Variants in PLS1 observed in about 807,000 individuals in gnomAD.
PLS1 encodes plastin-1.
A neutral mutation model predicts 73.7 loss-of-function variants in PLS1; 32 were observed. That is an observed-to-expected ratio of 0.43 (90% CI 0.33 to 0.58). The LOEUF (loss-of-function observed/expected upper bound fraction) is 0.58. Among genes scored for constraint, PLS1 ranks in the 20% least tolerant of loss-of-function variants. The probability of loss-of-function intolerance (pLI) is 0.04; values close to 1 mark genes in which losing one functional copy is unlikely to be tolerated. For synonymous variants in PLS1, 217 were observed against 261.3 expected (o/e 0.83, Z 1.63); for missense variants, 633 against 740.5 (o/e 0.85, Z 1.68).
chr3:142,633,837 T>C (rs1461609001), intron 1 of PLS1, among the ~76,000 whole-genome samples: 1 of 152,042 alleles, frequency 6.6e-6, no homozygotes, highest in Non-Finnish European at 1.5e-5. Flanking sequence ...AGCAGGAAAA[T>C]ATTACCCATA....
At chr3:142,630,445 C>T (rs1205340058) in intron 1 of PLS1, among the ~76,000 whole-genome samples, 2 of 127,714 alleles carry the variant, frequency 1.6e-5, no homozygotes, top group African/African-American at 5.9e-5. Context: ...AAAAAACAAA[C>T]AAAACACTCT....
Position 142,689,637 on chromosome 3 carries a change from G to C in PLS1, c.1001G>C (p.Arg334Pro). The C allele has an allele frequency of 6.2e-7, 1 of 1,604,850 alleles. No individual in the cohort carries two copies. Among genetic ancestry groups the C allele is most frequent in the Non-Finnish European group, 8.5e-7 (1 of 1,176,218 alleles). Residue 334 changes from arginine (R) to proline (P), a missense_variant, in exon 10 of 16, where the codon CGT (arginine) becomes CCT (proline). Arg to Pro is a moderately radical substitution (Grantham distance 103). Coordinates refer to ENST00000457734, the MANE Select transcript of PLS1 (RefSeq NM_001145319.2). ...GTTTAGGAGACAAATGACCTGAAGC[G>C]TGCTGGACTCATGCTTCAAGAAGCA... is the stretch of plus-strand genomic sequence containing the variant. Reference protein sequence around the residue: ...SGINETNDLKRAGLMLQEADK... With the variant: ...SGINETNDLKPAGLMLQEADK...
At chr3:142,705,530 C>T (rs1046300552) in intron 14 of PLS1, among the ~76,000 whole-genome samples, 1 of 152,200 alleles carries the variant, frequency 6.6e-6, no homozygotes, top group Non-Finnish European at 1.5e-5. Context: ...TACAAATAAG[C>T]ATGTCTGCTT....
chr3:142,689,572 T>C (rs911490499), intron 9 of PLS1, 46 bp from the exon 10 acceptor site: 1 of 1,150,008 alleles, frequency 8.7e-7, no homozygotes, highest in Admixed American at 2.7e-5. Context: ...ATAAAAATTA[T>C]GCCAATTAAA....
rs1008168230 is a variant in PLS1 at position 142,703,946 on chromosome 3, C to G, written c.1450C>G (p.Leu484Val). 8 of 1,613,716 alleles carry G rather than the reference C, an allele frequency of 5.0e-6. No homozygotes were observed. Among genetic ancestry groups the G allele is most frequent in the Non-Finnish European group, 5.9e-6 (7 of 1,179,704 alleles). ...CTTGGTTGGCATTGCTGGGCAGGACCTAAATGAAGGGAATTCAACACTTAC... is the reference window on the plus strand; with the variant it reads ...CTTGGTTGGCATTGCTGGGCAGGACGTAAATGAAGGGAATTCAACACTTAC... ...FSLVGIAGQDLNEGNSTLTLA... is the reference protein window; with the variant it reads ...FSLVGIAGQDVNEGNSTLTLA... The change falls in exon 13 of 16, where the codon CTA becomes GTA. Residue 484 changes from leucine (L) to valine (V), a missense_variant. By Grantham distance (32) the Leu-to-Val change is conservative. Transcript: ENST00000457734.
At chr3:142,612,405 T>C (rs2036140323) in intron 1 of PLS1, among the ~76,000 whole-genome samples, 2 of 152,358 alleles carry the variant, frequency 1.3e-5, no homozygotes, top group South Asian at 4.1e-4. Flanking sequence ...TTATATGTGA[T>C]AAGTGATGTG....
chr3:142,711,914 T>C lies in PLS1; in HGVS notation c.1797T>C (p.Tyr599=), dbSNP rs1209904877. Residue 599 remains tyrosine (Y), a synonymous_variant, in exon 16 of 16, where the codon TAT becomes TAC. Coordinates refer to ENST00000457734, the MANE Select transcript of PLS1 (RefSeq NM_001145319.2). Reference sequence around the variant, plus strand: ...CTCGAAAGATCGGTGCCCGGATATATGCATTACCTGATGACCTCGTAGAAG... The same window carrying C: ...CTCGAAAGATCGGTGCCCGGATATACGCATTACCTGATGACCTCGTAGAAG... ...SVARKIGARI[Y]ALPDDLVEVK... 16 of 1,613,582 alleles carry C rather than the reference T, an allele frequency of 9.9e-6. No individual in the cohort carries two copies. Among genetic ancestry groups the C allele is most frequent in the Non-Finnish European group, 1.4e-5 (16 of 1,179,504 alleles).
intron 1 of PLS1, among the ~76,000 whole-genome samples, chr3:142,602,672 A>G (rs1212907566): frequency 6.6e-6 from 1 of 151,540 alleles, no homozygotes; most frequent in Non-Finnish European, 1.5e-5. Flanking sequence ...TGATGAACCT[A>G]ATTACATAGA....
intron 9 of PLS1, among the ~76,000 whole-genome samples, chr3:142,688,883 A>T (rs1030937201): frequency 2.0e-5 from 3 of 152,100 alleles, no homozygotes; most frequent in African/African-American, 7.2e-5. Context: ...TTTAATTTTT[A>T]AAATATGTAT....
intron 1 of PLS1, among the ~76,000 whole-genome samples, chr3:142,611,892 T>A (rs2036128448): frequency 6.6e-6 from 1 of 152,204 alleles, no homozygotes; most frequent in Admixed American, 6.5e-5. Flanking sequence ...TATTATTATC[T>A]TCTTAACTTT....
intron 1 of PLS1, among the ~76,000 whole-genome samples, chr3:142,662,397 T>C (rs367563578): frequency 6.1e-4 from 93 of 152,034 alleles, no homozygotes; most frequent in African/African-American, 2.1e-3. Flanking sequence ...GAGGGGAACA[T>C]CACACACCAG....
At chr3:142,629,697 A>G (rs1395116434) in intron 1 of PLS1, among the ~76,000 whole-genome samples, 1 of 152,188 alleles carries the variant, frequency 6.6e-6, no homozygotes, top group African/African-American at 2.4e-5. Flanking sequence ...CCATGTAGTA[A>G]TGTACAGCTT....
At chr3:142,669,671 A>AATG (rs3836386) in intron 3 of PLS1, 118 bp downstream of exon 3, 11 of 526,446 alleles carry the variant, frequency 2.1e-5, no homozygotes, top group Non-Finnish European at 2.7e-5. Flanking sequence ...ACTGCTTTAA[A>AATG]ATGATGATGA....
At chr3:142,631,648 TGA>T (rs1198905329) in intron 1 of PLS1, among the ~76,000 whole-genome samples, 1 of 119,662 alleles carries the variant, frequency 8.4e-6, no homozygotes, top group Non-Finnish European at 1.6e-5. Flanking sequence ...ACAACAGAGT[TGA>T]GACCCTGTCT....
chr3:142,711,576 A>T lies in PLS1; in HGVS notation c.1705A>T (p.Met569Leu). 1 of 1,608,718 alleles carries T rather than the reference A, an allele frequency of 6.2e-7. No homozygotes were observed. Among genetic ancestry groups the T allele is most frequent in the Non-Finnish European group, 8.5e-7 (1 of 1,175,796 alleles). Reference protein sequence around the residue: ...AIAPNAVRQEMIRRENLSDED... With the variant: ...AIAPNAVRQELIRRENLSDED... ...TGCACCAAATGCAGTTCGTCAAGAA[A>T]TGATCAGGAGAGAAAACTTATCTGA... The change falls in exon 15 of 16, where the codon ATG becomes TTG. Residue 569 changes from methionine (M) to leucine (L), a missense_variant. By Grantham distance (15) the Met-to-Leu change is conservative (BLOSUM62 2). Transcript: ENST00000457734.
At chr3:142,661,526 C>T (rs572188731) in intron 1 of PLS1, among the ~76,000 whole-genome samples, 17 of 152,240 alleles carry the variant, frequency 1.1e-4, no homozygotes, top group African/African-American at 4.1e-4. Flanking sequence ...ACAAATGAGC[C>T]ATACTCTTAG....
At chr3:142,666,297 C>T (rs2037478447) in intron 2 of PLS1, among the ~76,000 whole-genome samples, 1 of 152,170 alleles carries the variant, frequency 6.6e-6, no homozygotes, top group East Asian at 1.9e-4. Context: ...ACTCCATATC[C>T]ATTAAACAAT....
rs534739447 is a variant in PLS1, at chr3:142,672,216, C to T, written c.364+1094C>T. ...TCTTTTCATCACCTGAAGACTCCCT[C>T]ATTCCCCTGATAGTAACTATTCTTC... On this transcript the variant is annotated intron_variant, in intron 4 of 15. Coordinates refer to ENST00000457734, the MANE Select transcript of PLS1 (RefSeq NM_001145319.2). Among the ~76,000 whole-genome samples the T allele has an allele frequency of 3.9e-5, 6 of 152,224 alleles. No individual in the cohort carries two copies. In the East Asian group the frequency reaches 1.2e-3, roughly 29 times the overall value.
At chr3:142,641,531 G>A (rs9832606) in intron 1 of PLS1, among the ~76,000 whole-genome samples, 96,813 of 151,382 alleles carry the variant, frequency 0.64, 31,537 homozygotes, top group African/African-American at 0.72. Flanking sequence ...AATCTCTGAA[G>A]AATTTAGACA....
Sources: gnomAD v4.1 joint callset for allele counts (sites outside exome capture counted in the v4.1 genomes callset) on GRCh38, gnomAD v4.1.1 for gene constraint, MANE v1.5 for transcripts, NCBI Gene and HGNC (gene_info 2026-07-23, HGNC 2026-07-21) for gene names.